MRPS27: variants seen among roughly 807,000 people sequenced by gnomAD.
MRPS27 encodes the protein small ribosomal subunit protein mS27.
Under a neutral mutation model 48.9 loss-of-function variants are expected in MRPS27, and 43 were observed. The observed-to-expected ratio is 0.88, with a 90% CI of 0.69 to 1.13. MRPS27 has a LOEUF of 1.13. Ranked by LOEUF, MRPS27 falls within the 50% of genes most tolerant of loss-of-function variation. The pLI is 0.00. For missense variants in MRPS27, 467 were observed against 476.3 expected (o/e 0.98, Z 0.18); for synonymous variants, 188 against 171.9 (o/e 1.09, Z -0.73).
intron 5 of MRPS27, 133 bp from the exon 6 acceptor site, chr5:72,234,330 A>C: frequency 1.3e-6 from 1 of 792,986 alleles, no homozygotes; most frequent in Non-Finnish European, 1.7e-6. Flanking sequence ...ATTTTACAGC[A>C]TCTGTGACAG....
rs747524373 is a variant in MRPS27 at position 72,232,798 on chromosome 5, G to A, written c.476-240C>T. Among the ~76,000 whole-genome samples, 32 of 152,084 alleles carry A rather than the reference G, an allele frequency of 2.1e-4. 1 individual carries two copies. The highest frequency in any genetic ancestry group is 2.0e-3 in the Admixed American group (31 of 15,272). On this transcript the variant is annotated intron_variant, in intron 6 of 10. Coordinates refer to ENST00000261413, the MANE Select transcript of MRPS27 (RefSeq NM_015084.3). ...CTAAATCAGGTGCTACTGCACCAAC[G>A]TCCTGAAGGACATTAAATAAACCAC... is the stretch of plus-strand genomic sequence containing the variant.
At chr5:72,315,852 T>A (rs1750551891) in intron 1 of MRPS27, among the ~76,000 whole-genome samples, 1 of 152,196 alleles carries the variant, frequency 6.6e-6, no homozygotes, top group South Asian at 2.1e-4. Context: ...AGTTACTCTA[T>A]CACCCAGCAA....
intron 4 of MRPS27, among the ~76,000 whole-genome samples, chr5:72,267,447 T>C (rs1355178269): frequency 6.6e-6 from 1 of 152,166 alleles, no homozygotes; most frequent in East Asian, 1.9e-4. Flanking sequence ...TGTAATTAAT[T>C]TGAAACCACC....
chr5:72,250,034 T>C (rs1748623787), intron 4 of MRPS27, among the ~76,000 whole-genome samples: 1 of 152,306 alleles, frequency 6.6e-6, no homozygotes, highest in African/African-American at 2.4e-5. Flanking sequence ...CAAGTATTTT[T>C]TGAGCATTGA....
intron 4 of MRPS27, among the ~76,000 whole-genome samples, chr5:72,254,392 T>C (rs1197149103): frequency 6.6e-6 from 1 of 151,976 alleles, no homozygotes; most frequent in Non-Finnish European, 1.5e-5. Context: ...TTAATATGTA[T>C]AGAAGGGATG....
chr5:72,235,220 A>G (rs2111956114), intron 5 of MRPS27, among the ~76,000 whole-genome samples: 1 of 152,238 alleles, frequency 6.6e-6, no homozygotes, highest in East Asian at 1.9e-4. Flanking sequence ...AATCAGTATT[A>G]ATCCCTAGGG....
chr5:72,239,457 G>C (rs902189482), intron 4 of MRPS27, among the ~76,000 whole-genome samples: 2 of 152,114 alleles, frequency 1.3e-5, no homozygotes, highest in African/African-American at 4.8e-5. Flanking sequence ...TTTAGGTTTT[G>C]CTAGAAAATG....
chr5:72,296,880 C>A, intron 3 of MRPS27, among the ~76,000 whole-genome samples: 1 of 152,162 alleles, frequency 6.6e-6, no homozygotes, highest in East Asian at 1.9e-4. Context: ...GAGGAAGATG[C>A]AACCGTACCC....
intron 2 of MRPS27, among the ~76,000 whole-genome samples, chr5:72,306,910 G>C (rs1358417332): frequency 6.6e-6 from 1 of 152,150 alleles, no homozygotes; most frequent in Non-Finnish European, 1.5e-5. Flanking sequence ...ACAGTACACA[G>C]GGGTTTATTC....
At chr5:72,257,652 GTTA>G (rs1482114096) in intron 4 of MRPS27, among the ~76,000 whole-genome samples, 1 of 152,154 alleles carries the variant, frequency 6.6e-6, no homozygotes, top group Non-Finnish European at 1.5e-5. Flanking sequence ...TTTTACTGTT[GTTA>G]TTATTTATTT....
chr5:72,290,674 C>G (rs750866456), intron 4 of MRPS27, among the ~76,000 whole-genome samples: 3 of 152,158 alleles, frequency 2.0e-5, no homozygotes, highest in African/African-American at 4.8e-5. Flanking sequence ...AGGTAGGAAC[C>G]CTTTTCTCTT....
intron 4 of MRPS27, among the ~76,000 whole-genome samples, chr5:72,282,572 ATT>A (rs1749558639): frequency 6.6e-6 from 1 of 151,164 alleles, no homozygotes; most frequent in Non-Finnish European, 1.5e-5. Context: ...TTGGATACAT[ATT>A]CTTATGTGAA....
At chr5:72,240,242 T>C (rs1748312105) in intron 4 of MRPS27, among the ~76,000 whole-genome samples, 1 of 152,162 alleles carries the variant, frequency 6.6e-6, no homozygotes, top group Non-Finnish European at 1.5e-5. Context: ...AAATTTCCTT[T>C]TCAGGGCATT....
intron 5 of MRPS27, 129 bp from the exon 6 acceptor site, chr5:72,234,326 C>T: frequency 1.2e-6 from 1 of 827,918 alleles, no homozygotes; most frequent in South Asian, 3.5e-5. Context: ...TATCATTTTA[C>T]AGCATCTGTG....
intron 4 of MRPS27, among the ~76,000 whole-genome samples, chr5:72,249,072 A>G (rs1748586756): frequency 1.3e-5 from 2 of 152,234 alleles, no homozygotes; most frequent in African/African-American, 4.8e-5. Context: ...TGGCTGCTAC[A>G]ATGAATGCAG....
rs1012865786 is a variant in MRPS27, at chr5:72,293,724, C to T, written c.281+1807G>A. ...AGTCACTGAAATCAATTTGATGCTA[C>T]AGAAGTACTTCTGAATTTGGAACAT... On this transcript the variant is annotated intron_variant, in intron 4 of 10. Transcript: ENST00000261413. Among the ~76,000 whole-genome samples, 59 of 152,328 alleles carry T rather than the reference C, an allele frequency of 3.9e-4. 1 individual carries two copies. Among genetic ancestry groups the T allele is most frequent in the Middle Eastern group, 3.4e-3 (1 of 294 alleles).
chr5:72,308,071 A>G (rs73761758), intron 2 of MRPS27: 9,784 of 152,126 alleles, frequency 0.064, 572 homozygotes, highest in African/African-American at 0.16. Flanking sequence ...CGGCGTTCTG[A>G]CGTTCGCGCC....
At chr5:72,258,000 C>G (rs150650063) in intron 4 of MRPS27, among the ~76,000 whole-genome samples, 1 of 149,254 alleles carries the variant, frequency 6.7e-6, no homozygotes, top group African/African-American at 2.5e-5. Context: ...ATGAGAATTG[C>G]TTGAACCTGG....
intron 2 of MRPS27, among the ~76,000 whole-genome samples, chr5:72,312,363 A>G (rs1009453351): frequency 6.6e-6 from 1 of 152,078 alleles, no homozygotes; most frequent in Non-Finnish European, 1.5e-5. Flanking sequence ...CTTTACCAAG[A>G]GTTGTTCATT....
Sources: gnomAD v4.1 joint callset for allele counts (sites outside exome capture counted in the v4.1 genomes callset) on GRCh38, gnomAD v4.1.1 for gene constraint, MANE v1.5 for transcripts, NCBI Gene and HGNC (gene_info 2026-07-23, HGNC 2026-07-21) for gene names.